The following YPEL5 variants were observed in gnomAD, a reference collection of about 807,000 sequenced individuals.
YPEL5 encodes yippee like 5.
A neutral mutation model predicts 10.5 loss-of-function variants in YPEL5; 1 was observed. That is an observed-to-expected ratio of 0.10 (90% CI 0.03 to 0.45). The LOEUF is 0.45. Among genes scored for constraint, YPEL5 ranks in the 20% least tolerant of loss-of-function variants. The pLI is 0.97. For synonymous variants in YPEL5, 61 were observed against 56.6 expected (o/e 1.08, Z -0.35); for missense variants, 68 against 159.3 (o/e 0.43, Z 3.09).
chr2:30,153,395 C>T (rs984477485), intron 1 of YPEL5, among the ~76,000 whole-genome samples: 3 of 152,212 alleles, frequency 2.0e-5, no homozygotes, highest in Admixed American at 6.5e-5. Context: ...GCAGGCAGCT[C>T]TCTGGGACCC....
chr2:30,148,640 A>G (rs917225571), intron 1 of YPEL5: 3 of 152,268 alleles, frequency 2.0e-5, no homozygotes, highest in Non-Finnish European at 4.4e-5. Flanking sequence ...TTAGCAAGTT[A>G]TGAGACGTTA....
In YPEL5 at chr2:30,159,882, G is replaced by A. The variant is rs1676208031; in HGVS notation, c.*1039G>A. 6.6e-6 allele frequency: 1 copy of A among 152,508 alleles called. No homozygotes were observed. Among genetic ancestry groups the A allele is most frequent in the Non-Finnish European group, 1.5e-5 (1 of 68,024 alleles). The allele number at this position is 152,508 out of a possible 1,614,324, so 9.4% of individuals were successfully genotyped here. ...CAGTTTTGCATTGATTTTTTGACAA[G>A]TCTGTAGAGCCTAATAGTTTCCATC... On this transcript the variant is annotated 3_prime_UTR_variant, in exon 3 of 3. Transcript: ENST00000261353.
intron 1 of YPEL5, among the ~76,000 whole-genome samples, chr2:30,149,792 A>G (rs949700599): frequency 6.6e-6 from 1 of 152,212 alleles, no homozygotes; most frequent in East Asian, 1.9e-4. Flanking sequence ...CCTTTGTCCC[A>G]TCTTCTGATG....
intron 1 of YPEL5, among the ~76,000 whole-genome samples, chr2:30,151,442 G>A (rs1572751671): frequency 6.6e-6 from 1 of 151,976 alleles, no homozygotes; most frequent in East Asian, 1.9e-4. Context: ...GAGAGAGGGA[G>A]GAAATTGAAA....
chr2:30,156,889 G>A (rs191367290), intron 2 of YPEL5, 97 bp downstream of exon 2: 2 of 1,405,328 alleles, frequency 1.4e-6, no homozygotes, highest in African/African-American at 2.9e-5. Flanking sequence ...ACCAGGAAGA[G>A]TCAGAATGAG....
At chr2:30,153,923 C>T (rs910279267) in intron 1 of YPEL5, among the ~76,000 whole-genome samples, 2 of 152,128 alleles carry the variant, frequency 1.3e-5, no homozygotes, top group Non-Finnish European at 2.9e-5. Flanking sequence ...TATTTACCCT[C>T]AGTAGGAAAT....
intron 1 of YPEL5, among the ~76,000 whole-genome samples, chr2:30,152,915 T>C (rs1178541658): frequency 6.6e-6 from 1 of 151,356 alleles, no homozygotes; most frequent in Non-Finnish European, 1.5e-5. Flanking sequence ...TTTTTGGTTT[T>C]TTTGAGACGG....
At chr2:30,147,895 C>G (rs994068332) in intron 1 of YPEL5, 2 of 153,186 alleles carry the variant, frequency 1.3e-5, no homozygotes, top group African/African-American at 4.8e-5. Flanking sequence ...TCCCGATTGG[C>G]CGGCTGGCGT....
At chr2:30,157,372 A>G (rs900867120) in intron 2 of YPEL5, among the ~76,000 whole-genome samples, 2 of 152,086 alleles carry the variant, frequency 1.3e-5, no homozygotes, top group Non-Finnish European at 2.9e-5. Flanking sequence ...AGCACAGACT[A>G]TGGAAGGAAC....
intron 2 of YPEL5, among the ~76,000 whole-genome samples, chr2:30,158,292 C>CAT (rs2103522273): frequency 6.6e-6 from 1 of 152,328 alleles, no homozygotes; most frequent in East Asian, 1.9e-4. Context: ...ATTACTACAA[C>CAT]TGGACCCAAA....
At chr2:30,149,464 A>G (rs1260655682) in intron 1 of YPEL5, among the ~76,000 whole-genome samples, 1 of 152,252 alleles carries the variant, frequency 6.6e-6, no homozygotes, top group Non-Finnish European at 1.5e-5. Flanking sequence ...GATTGTATGG[A>G]TCAAACTGTT....
intron 1 of YPEL5, among the ~76,000 whole-genome samples, chr2:30,155,168 CTG>C (rs1436013890): frequency 1.3e-5 from 2 of 152,258 alleles, no homozygotes; most frequent in Non-Finnish European, 1.5e-5. Context: ...TAGCTTAAGT[CTG>C]TGTTTTAGTG....
chr2:30,157,969 C>T (rs532568719), intron 2 of YPEL5, among the ~76,000 whole-genome samples: 2 of 152,280 alleles, frequency 1.3e-5, no homozygotes, highest in African/African-American at 2.4e-5. Context: ...ACCACATAGC[C>T]GTCAAAGCCA....
chr2:30,150,938 C>G (rs142493059), intron 1 of YPEL5, among the ~76,000 whole-genome samples: 3 of 152,124 alleles, frequency 2.0e-5, no homozygotes, highest in African/African-American at 4.8e-5. Context: ...CTTTGACACT[C>G]AAGTGTGAAT....
At chr2:30,154,236 G>C (rs566895837) in intron 1 of YPEL5, among the ~76,000 whole-genome samples, 1 of 152,348 alleles carries the variant, frequency 6.6e-6, no homozygotes, top group East Asian at 1.9e-4. Context: ...CAACGGCTGA[G>C]ACTCCAAAAC....
chr2:30,148,326 T>A (rs1222423948), intron 1 of YPEL5: 2 of 152,270 alleles, frequency 1.3e-5, no homozygotes, highest in African/African-American at 4.8e-5. Context: ...GCTAACCTTG[T>A]GTTTTTGGAA....
At chr2:30,155,982 C>T (rs543396467) in intron 1 of YPEL5, 7 of 152,224 alleles carry the variant, frequency 4.6e-5, no homozygotes, top group Non-Finnish European at 8.8e-5. Flanking sequence ...CCTTTTTAGC[C>T]TTGACTTGGA....
At chr2:30,151,982 G>C (rs1380991161) in intron 1 of YPEL5, among the ~76,000 whole-genome samples, 1 of 152,206 alleles carries the variant, frequency 6.6e-6, no homozygotes, top group Non-Finnish European at 1.5e-5. Context: ...CCAGTGGCTG[G>C]GAGTTGGAGA....
chr2:30,154,449 G>A (rs918211615), intron 1 of YPEL5, among the ~76,000 whole-genome samples: 2 of 152,210 alleles, frequency 1.3e-5, no homozygotes, highest in Non-Finnish European at 2.9e-5. Flanking sequence ...AGGGGGTGCA[G>A]GTCACTTGTA....
Sources: allele counts gnomAD v4.1 joint callset (sites outside exome capture counted in the v4.1 genomes callset), GRCh38; gene constraint gnomAD v4.1.1; transcripts MANE v1.5; gene names NCBI Gene and HGNC (gene_info 2026-07-23, HGNC 2026-07-21).